Variants in EML1 observed in about 807,000 individuals in gnomAD.
The protein encoded by EML1 is EMAP like 1, also known as echinoderm microtubule-associated protein-like 1.
In EML1, 27 loss-of-function variants were observed where a neutral mutation model predicts 110.4. That is an observed-to-expected ratio of 0.24 (90% CI 0.18 to 0.34). The LOEUF is 0.34. EML1 is among the 10% of genes least tolerant of loss of function. The pLI is 1.00. For synonymous variants in EML1, 344 were observed against 385.8 expected (o/e 0.89, Z 1.27); for missense variants, 741 against 1,030.9 (o/e 0.72, Z 3.85).
chr14:99,932,652 A>AAG (rs1475223357), intron 17 of EML1, among the ~76,000 whole-genome samples: 1 of 151,506 alleles, frequency 6.6e-6, no homozygotes, highest in Non-Finnish European at 1.5e-5. Flanking sequence ...ATCTTAAAAA[A>AAG]AAAAAAAAAA....
intron 1 of EML1, among the ~76,000 whole-genome samples, chr14:99,748,438 T>G (rs889197043): frequency 1.4e-4 from 21 of 152,168 alleles, no homozygotes; most frequent in African/African-American, 5.1e-4. Flanking sequence ...TTTTTTTTTT[T>G]GTCTCAGTGA....
At chr14:99,758,369 T>C (rs75872809) in intron 1 of EML1, among the ~76,000 whole-genome samples, 2,755 of 152,238 alleles carry the variant, frequency 0.018, 69 homozygotes, top group African/African-American at 0.058. Flanking sequence ...ACATGAAGCA[T>C]ACAGAGTTCC....
chr14:99,872,242 C>CAT (rs911129263), intron 3 of EML1, among the ~76,000 whole-genome samples: 45 of 152,260 alleles, frequency 3.0e-4, no homozygotes, highest in African/African-American at 9.4e-4. Flanking sequence ...ATTTCAGCCA[C>CAT]ATATGAAAGG....
At chr14:99,860,501 T>TCAAC in intron 2 of EML1, among the ~76,000 whole-genome samples, 1 of 152,308 alleles carries the variant, frequency 6.6e-6, no homozygotes, top group East Asian at 1.9e-4. Flanking sequence ...CTGTTCAGAC[T>TCAAC]CAACACTAGG....
chr14:99,750,896 C>A (rs1163772584), intron 1 of EML1, among the ~76,000 whole-genome samples: 4 of 152,120 alleles, frequency 2.6e-5, no homozygotes, highest in African/African-American at 9.7e-5. Flanking sequence ...AGAGGTCTCC[C>A]TGCTCAGAAG....
chr14:99,814,911 G>A (rs2058141873), intron 1 of EML1, among the ~76,000 whole-genome samples: 1 of 152,134 alleles, frequency 6.6e-6, no homozygotes, highest in Non-Finnish European at 1.5e-5. Flanking sequence ...TGGAGGGTAG[G>A]TTGGATTACC....
At chr14:99,929,951 C>T (rs1025155720) in intron 17 of EML1, among the ~76,000 whole-genome samples, 1 of 152,140 alleles carries the variant, frequency 6.6e-6, no homozygotes, top group South Asian at 2.1e-4. Context: ...AGTAGCGGTT[C>T]TTGAGCTTTA....
At chr14:99,852,869 A>G (rs533801122) in intron 2 of EML1, among the ~76,000 whole-genome samples, 2 of 152,300 alleles carry the variant, frequency 1.3e-5, no homozygotes, top group Non-Finnish European at 2.9e-5. Context: ...TTGAATAATC[A>G]TTTTAAGTAA....
intron 2 of EML1, among the ~76,000 whole-genome samples, chr14:99,860,598 A>G (rs1452005855): frequency 3.3e-5 from 5 of 152,214 alleles, no homozygotes; most frequent in Non-Finnish European, 7.3e-5. Context: ...GTAATGTGAA[A>G]GAAACCTGGC....
intron 1 of EML1, among the ~76,000 whole-genome samples, chr14:99,746,014 T>A (rs2057103415): frequency 6.6e-6 from 1 of 152,226 alleles, no homozygotes; most frequent in South Asian, 2.1e-4. Flanking sequence ...ACTGGTGGAC[T>A]AAACAAGAAT....
At chr14:99,800,761 A>G (rs1454338873) in intron 1 of EML1, among the ~76,000 whole-genome samples, 1 of 152,158 alleles carries the variant, frequency 6.6e-6, no homozygotes, top group Non-Finnish European at 1.5e-5. Context: ...CATTTTTTGC[A>G]GAGTACTCTC....
rs748805597 is a variant in EML1, at chr14:99,874,087, A to G, written c.384-4398A>G. ...TTGGAAAATCAATTTTTGATTCCCAATCACATGATGAAAGAAAACCTAATT... is the reference window on the plus strand; with the variant it reads ...TTGGAAAATCAATTTTTGATTCCCAGTCACATGATGAAAGAAAACCTAATT... On this transcript the variant is annotated intron_variant, in intron 3 of 21. Transcript: ENST00000262233. Among the ~76,000 whole-genome samples, 87 of 152,366 alleles carry G rather than the reference A, an allele frequency of 5.7e-4. 1 individual carries two copies. Among genetic ancestry groups the G allele is most frequent in the Admixed American group, 1.4e-3 (21 of 15,310 alleles).
In EML1 at chr14:99,928,224, G is replaced by A. The variant is rs563114590; in HGVS notation, c.1909+7347G>A. Among the ~76,000 whole-genome samples the A allele has an allele frequency of 1.1e-4, 13 of 118,340 alleles. 1 individual carries two copies. Among genetic ancestry groups the A allele is most frequent in the East Asian group, 2.3e-4 (1 of 4,336 alleles). The allele number at this position is 118,340 out of a possible 152,430, so 77.6% of individuals were successfully genotyped here. The stretch of plus-strand genomic sequence containing the variant: ...GGTGGTGGTGATGGTGATGGTGGTG[G>A]TGGTGGTGGTGGTGGTGGTGGTGGG... On this transcript the variant is annotated intron_variant, in intron 17 of 21. Transcript: ENST00000262233.
At position 99,935,931 on chromosome 14, in the gene EML1, A is replaced by G. The variant is rs922014690; in HGVS notation, c.1910-98A>G. On this transcript the variant is annotated intron_variant, in intron 17 of 21. Coordinates refer to ENST00000262233, the MANE Select transcript of EML1 (RefSeq NM_004434.3). ...TTGGAAATAATTCATTAATCTGGTG[A>G]TTTTGTCTAAATCTGTGGTGGCAGC... The G allele has an allele frequency of 3.5e-6, 4 of 1,127,360 alleles. No individual in the cohort carries two copies. The African/African-American group carries it at 6.1e-5, about 17-fold the overall frequency. 69.8% of individuals were successfully genotyped at this position (1,127,360 alleles called of 1,614,324 possible).
At chr14:99,850,168 C>A (rs1019518541) in intron 1 of EML1, 1 of 581,534 alleles carries the variant, frequency 1.7e-6, no homozygotes, top group Non-Finnish European at 2.9e-6. Flanking sequence ...CAAACTCCTG[C>A]GCTCAAGCAG....
In EML1 at chr14:99,877,563, C is replaced by A. The variant is rs1049605031; in HGVS notation, c.384-922C>A. On this transcript the variant is annotated intron_variant, in intron 3 of 21. Transcript: ENST00000262233. ...CTTTGGGAAGACTTCCCCAGGCTGC[C>A]TTCCCAGGCCTCTGAGCACTCTAGT... Among the ~76,000 whole-genome samples the A allele has an allele frequency of 2.0e-5, 3 of 152,296 alleles. No homozygotes were observed. The East Asian group carries it at 5.8e-4, about 29-fold the overall frequency.
At chr14:99,912,087 G>T (rs935287612) in intron 13 of EML1, among the ~76,000 whole-genome samples, 1 of 151,846 alleles carries the variant, frequency 6.6e-6, no homozygotes, top group Non-Finnish European at 1.5e-5. Context: ...TAGAGATGTT[G>T]CCCAGGCTGG....
chr14:99,911,550 A>G lies in EML1; in HGVS notation c.1468A>G (p.Asn490Asp). The change falls in exon 13 of 22, where the codon AAC (asparagine) becomes GAC (aspartate). Residue 490 changes from asparagine (N) to aspartate (D), a missense_variant. By Grantham distance (23) the Asn-to-Asp change is conservative. Coordinates refer to ENST00000262233, the MANE Select transcript of EML1 (RefSeq NM_004434.3). ...CCGAAAGCTCATTTCTTGGAGCGGAAACTATCAAAAACTTCGTAAAACGGA... is the reference window on the plus strand; with the variant it reads ...CCGAAAGCTCATTTCTTGGAGCGGAGACTATCAAAAACTTCGTAAAACGGA... ...KDRKLISWSGNYQKLRKTEIP... is the reference protein window; with the variant it reads ...KDRKLISWSGDYQKLRKTEIP... The G allele has an allele frequency of 6.2e-7, 1 of 1,612,692 alleles. No homozygotes were observed. Among genetic ancestry groups the G allele is most frequent in the Non-Finnish European group, 8.5e-7 (1 of 1,179,776 alleles).
Position 99,935,775 on chromosome 14 carries a change from C to G in EML1, c.1910-254C>G, listed in dbSNP as rs565968776. Among the ~76,000 whole-genome samples, 57 of 127,590 alleles carry G rather than the reference C, an allele frequency of 4.5e-4. No individual in the cohort carries two copies. The East Asian group carries it at 0.011, about 24-fold the overall frequency. 83.7% of individuals were successfully genotyped at this position (127,590 alleles called of 152,430 possible). A position where few individuals can be genotyped will look rare whatever the true frequency, so the allele number is the denominator to read the frequency against. On this transcript the variant is annotated intron_variant, in intron 17 of 21. Transcript: ENST00000262233. ...TCCGGCCTGGCGACAGAGCGAGACT[C>G]CGTCTCAAAAAAAAAAAAAAAAAAA... is the stretch of plus-strand genomic sequence containing the variant.
Sources: allele counts gnomAD v4.1 joint callset (sites outside exome capture counted in the v4.1 genomes callset), GRCh38; gene constraint gnomAD v4.1.1; transcripts MANE v1.5; gene names NCBI Gene and HGNC (gene_info 2026-07-23, HGNC 2026-07-21).